Variants in RBM48 observed in about 807,000 individuals in gnomAD.
The protein encoded by RBM48 is RNA-binding protein 48.
Under a neutral mutation model 34.8 loss-of-function variants are expected in RBM48, and 32 were observed. That is an observed-to-expected ratio of 0.92 (90% CI 0.69 to 1.23). The LOEUF is 1.23. Among genes scored for constraint, RBM48 ranks in the 50% most tolerant of loss-of-function variants. RBM48 has a pLI of 0.00. For missense variants in RBM48, 441 were observed against 447.2 expected, an observed-to-expected ratio of 0.99 and a Z score of 0.12; for synonymous variants, 151 against 156.2, an observed-to-expected ratio of 0.97 and a Z score of 0.25.
intron 3 of RBM48, among the ~76,000 whole-genome samples, chr7:92,533,619 T>C (rs1029111856): frequency 6.6e-6 from 1 of 152,196 alleles, no homozygotes; most frequent in Non-Finnish European, 1.5e-5. Flanking sequence ...TTAGTTAAGC[T>C]CTCTTTCATC....
rs906660692 is a variant in RBM48, at chr7:92,539,707, G to C, written c.*2770G>C. ...GACGGAGACTGTGTCTCAAAAAAAA[G>C]TGTTCTTGTATACCATGTTTGAAAA... On this transcript the variant is annotated 3_prime_UTR_variant, in exon 5 of 5. Coordinates refer to ENST00000265732, the MANE Select transcript of RBM48 (RefSeq NM_032120.4). Among the ~76,000 whole-genome samples the C allele has an allele frequency of 7.9e-5, 12 of 152,268 alleles. No homozygotes were observed. The highest frequency in any genetic ancestry group is 3.4e-3 in the Middle Eastern group (1 of 294).
rs759778524 is a variant in RBM48, at chr7:92,529,501, A to G, written c.137A>G (p.Gln46Arg). The G allele has an allele frequency of 6.2e-7, 1 of 1,605,468 alleles. No homozygotes were observed. Among genetic ancestry groups the G allele is most frequent in the Non-Finnish European group, 8.5e-7 (1 of 1,174,660 alleles). The change falls in exon 2 of 5, where the codon CAG becomes CGG. Residue 46 changes from glutamine (Q) to arginine (R), a missense_variant. Physicochemically the swap from Gln to Arg is conservative, Grantham distance 43 (BLOSUM62 1). Transcript: ENST00000265732. ...VKVYTINLESQYLLIQGVPAV... is the reference protein window; with the variant it reads ...VKVYTINLESRYLLIQGVPAV... Reference sequence around the variant, plus strand: ...GTATATACAATCAATTTGGAATCTCAGTACTTATTAATACAAGGAGTTCCT... The same window carrying G: ...GTATATACAATCAATTTGGAATCTCGGTACTTATTAATACAAGGAGTTCCT...
chr7:92,529,741 T>C, intron 2 of RBM48, 75 bp downstream of exon 2: 1 of 937,794 alleles, frequency 1.1e-6, no homozygotes, highest in Non-Finnish European at 1.6e-6. Context: ...GCCCCAAGTT[T>C]CCCTCATTCA....
rs767421041 is a variant in RBM48, at chr7:92,534,760, G to A, written c.807G>A (p.Glu269=). The change falls in exon 4 of 5, where the codon GAG becomes GAA. Residue 269 remains glutamate, a synonymous_variant. Transcript: ENST00000265732. ...PGAQKAITSS[E]AVDRFMPRTT... The stretch of plus-strand genomic sequence containing the variant: ...CACAAAAGGCTATTACGTCTTCAGA[G>A]GCAGTTGACAGATTTATGCCTAGGA... 3 of 1,614,120 alleles carry A rather than the reference G, an allele frequency of 1.9e-6. No individual in the cohort carries two copies. The highest frequency in any genetic ancestry group is 2.2e-5 in the South Asian group (2 of 91,082).
In RBM48 at chr7:92,528,853, C is replaced by T. The variant is rs1793450253; in HGVS notation, c.40C>T (p.His14Tyr). Residue 14 changes from histidine (H) to tyrosine (Y), a missense_variant, in exon 1 of 5, where the codon CAC becomes TAC. Physicochemically the swap from His to Tyr is moderately conservative, Grantham distance 83. Transcript: ENST00000265732. ...SGGELGSLFDHHVQRAVCDTR... is the reference protein window; with the variant it reads ...SGGELGSLFDYHVQRAVCDTR... The stretch of plus-strand genomic sequence containing the variant: ...CGGGGAGCTAGGGAGTTTATTTGAT[C>T]ACCACGTCCAGAGGGCGGTATGCGA... The T allele has an allele frequency of 6.2e-7, 1 of 1,614,110 alleles. No homozygotes were observed. Among genetic ancestry groups the T allele is most frequent in the Non-Finnish European group, 8.5e-7 (1 of 1,180,014 alleles).
At chr7:92,535,181 T>C (rs2116328560) in intron 4 of RBM48, 4 of 1,420,818 alleles carry the variant, frequency 2.8e-6, no homozygotes, top group Non-Finnish European at 1.8e-6. Flanking sequence ...TGAACAGACA[T>C]TTTATATCAC....
rs1183568541 is a variant in RBM48 at position 92,534,684 on chromosome 7, T to G, written c.731T>G (p.Leu244Trp). 2 of 1,614,092 alleles carry G rather than the reference T, an allele frequency of 1.2e-6. No homozygotes were observed. Among genetic ancestry groups the G allele is most frequent in the East Asian group, 2.2e-5 (1 of 44,902 alleles). The change falls in exon 4 of 5, where the codon TTG becomes TGG. Residue 244 changes from leucine (L) to tryptophan (W), a missense_variant. Transcript: ENST00000265732. The stretch of plus-strand genomic sequence containing the variant: ...GGGCATTATAACCACAATGACTCTT[T>G]GCGGAAAACACAGATAAACTCTTTG... Reference protein sequence around the residue: ...TMGHYNHNDSLRKTQINSLKN... With the variant: ...TMGHYNHNDSWRKTQINSLKN...
Position 92,537,100 on chromosome 7 carries a change from G to A in RBM48, c.*163G>A. The stretch of plus-strand genomic sequence containing the variant: ...TCTAAAGTCATTTCTTTGTTTTTTG[G>A]GAGATGGAGTCTTGCTCTGTTGCCC... On this transcript the variant is annotated 3_prime_UTR_variant, in exon 5 of 5. Coordinates refer to ENST00000265732, the MANE Select transcript of RBM48 (RefSeq NM_032120.4). 1 of 542,962 alleles carries A rather than the reference G, an allele frequency of 1.8e-6. No individual in the cohort carries two copies. The highest frequency in any genetic ancestry group is 3.7e-5 in the Admixed American group (1 of 27,022). The allele number at this position is 542,962 out of a possible 1,614,324, so 33.6% of individuals were successfully genotyped here. A position where few individuals can be genotyped will look rare whatever the true frequency, so the allele number is the denominator to read the frequency against.
At position 92,539,236 on chromosome 7, in the gene RBM48, T is replaced by A. The variant is rs1198105203; in HGVS notation, c.*2299T>A. 6.6e-6 allele frequency among the ~76,000 whole-genome samples: 1 copy of A among 152,242 alleles called. No individual in the cohort carries two copies. Among genetic ancestry groups the A allele is most frequent in the Admixed American group, 6.5e-5 (1 of 15,284 alleles). On this transcript the variant is annotated 3_prime_UTR_variant, in exon 5 of 5. Coordinates refer to ENST00000265732, the MANE Select transcript of RBM48 (RefSeq NM_032120.4). ...ATGCTATATACTGTTTTCGCTCATC[T>A]CTTTTCAGATTGGAAGCCTGCCTTT... is the stretch of plus-strand genomic sequence containing the variant.
chr7:92,534,415 A>G lies in RBM48; in HGVS notation c.462A>G (p.Thr154=), dbSNP rs1562877675. 5.6e-6 allele frequency: 9 copies of G among 1,609,924 alleles called. No individual in the cohort carries two copies. Among genetic ancestry groups the G allele is most frequent in the Non-Finnish European group, 6.8e-6 (8 of 1,178,214 alleles). Residue 154 remains threonine (T), a synonymous_variant, in exon 4 of 5, where the codon ACA becomes ACG. Coordinates refer to ENST00000265732, the MANE Select transcript of RBM48 (RefSeq NM_032120.4). ...KTTENKDHYV[T]KKKLVTEHKD... ...TGTAATATAAAGACCATTACGTGAC[A>G]AAGAAGAAATTGGTTACAGAGCATA...
At chr7:92,533,714 C>T (rs1342650032) in intron 3 of RBM48, among the ~76,000 whole-genome samples, 2 of 152,164 alleles carry the variant, frequency 1.3e-5, no homozygotes, top group Non-Finnish European at 2.9e-5. Flanking sequence ...TCAAAACACA[C>T]AGGCAGAGAG....
At chr7:92,535,340 C>T (rs1171516251) in intron 4 of RBM48, 1 of 1,135,900 alleles carries the variant, frequency 8.8e-7, no homozygotes, top group African/African-American at 1.6e-5. Flanking sequence ...AATTATTTCT[C>T]TCAAATTTAG....
At chr7:92,535,676 AG>A in intron 4 of RBM48, 1 of 985,282 alleles carries the variant, frequency 1.0e-6, no homozygotes. Flanking sequence ...TCCAAGATGC[AG>A]AAACTGCTTT....
chr7:92,529,731 G>T (rs1286866485), intron 2 of RBM48, 65 bp downstream of exon 2: 3 of 1,086,364 alleles, frequency 2.8e-6, no homozygotes, highest in Non-Finnish European at 2.6e-6. Context: ...TGTCATTTTG[G>T]CCCCAAGTTT....
intron 4 of RBM48, chr7:92,535,296 A>C: frequency 2.5e-6 from 3 of 1,220,094 alleles, no homozygotes; most frequent in Non-Finnish European, 2.1e-6. Flanking sequence ...GGTAGTTCTA[A>C]TATGAGCCAA....
At chr7:92,536,656 A>G in intron 4 of RBM48, 195 bp from the exon 5 acceptor site, 2 of 1,212,472 alleles carry the variant, frequency 1.6e-6, no homozygotes, top group Non-Finnish European at 2.1e-6. Flanking sequence ...TAGAAATTTT[A>G]CTGTCATCAG....
chr7:92,536,857 T>C lies in RBM48; in HGVS notation c.1024T>C (p.Ser342Pro). Reference sequence around the variant, plus strand: ...CTTTTTTTTTTTTAATTAGGTAATTTCATCTGTGCCAAAGCCTCCAGAGGA... The same window carrying C: ...CTTTTTTTTTTTTAATTAGGTAATTCCATCTGTGCCAAAGCCTCCAGAGGA... ...LIRHKLKEVI[S>P]SVPKPPEDKP... Residue 342 changes from serine (S) to proline (P), a missense_variant, in exon 5 of 5, where the codon TCA becomes CCA. Ser to Pro is a moderately conservative substitution (Grantham distance 74). Coordinates refer to ENST00000265732, the MANE Select transcript of RBM48 (RefSeq NM_032120.4). 1 of 1,583,718 alleles carries C rather than the reference T, an allele frequency of 6.3e-7. No homozygotes were observed. Among genetic ancestry groups the C allele is most frequent in the South Asian group, 1.2e-5 (1 of 84,580 alleles).
chr7:92,531,374 CA>C (rs1361466770), intron 2 of RBM48, among the ~76,000 whole-genome samples: 1 of 152,160 alleles, frequency 6.6e-6, no homozygotes, highest in Non-Finnish European at 1.5e-5. Flanking sequence ...TCCTCTGCTC[CA>C]AAAAGGCTGA....
chr7:92,529,838 A>G (rs1266351441), intron 2 of RBM48, among the ~76,000 whole-genome samples, 172 bp downstream of exon 2: 1 of 152,154 alleles, frequency 6.6e-6, no homozygotes, highest in East Asian at 1.9e-4. Context: ...TATCCATCAC[A>G]TCATTCCCAT....
Sources: allele counts gnomAD v4.1 joint callset (sites outside exome capture counted in the v4.1 genomes callset), GRCh38; gene constraint gnomAD v4.1.1; transcripts MANE v1.5; gene names NCBI Gene and HGNC (gene_info 2026-07-23, HGNC 2026-07-21).